CKLF: variants seen among roughly 807,000 people sequenced by gnomAD.
The protein encoded by CKLF is chemokine-like factor.
Under a neutral mutation model 12.9 loss-of-function variants are expected in CKLF, and 16 were observed. The ratio of observed to expected loss-of-function variants is 1.24; its 90% CI spans 0.84 to 1.88. The LOEUF (loss-of-function observed/expected upper bound fraction) is 1.88. Ranked by LOEUF, CKLF falls within the 40% of genes most tolerant of loss-of-function variation. The pLI is 0.00. For synonymous variants in CKLF, 61 were observed against 69.0 expected (o/e 0.88, Z 0.57); for missense variants, 172 against 188.5 (o/e 0.91, Z 0.51).
chr16:66,558,522 G>A (rs2011540432), intron 2 of CKLF, 174 bp downstream of exon 2: 2 of 833,414 alleles, frequency 2.4e-6, no homozygotes, highest in African/African-American at 1.8e-5. Context: ...AGGGTCTCAA[G>A]GATGCAGGGC....
Position 66,560,453 on chromosome 16 carries a change from G to A in CKLF, c.237+2105G>A, listed in dbSNP as rs143446326. Among the ~76,000 whole-genome samples the A allele has an allele frequency of 1.1e-3, 175 of 152,244 alleles. 1 individual carries two copies. The highest frequency in any genetic ancestry group is 4.0e-3 in the African/African-American group (166 of 41,538). On this transcript the variant is annotated intron_variant, in intron 2 of 3. Transcript: ENST00000264001. ...AGAGAGGAAGAATATGTTTAAGGAA[G>A]GGTGCAGGAGAGCAGTATGTAATGA...
intron 1 of CKLF, among the ~76,000 whole-genome samples, chr16:66,556,187 C>G (rs958189471): frequency 6.6e-6 from 1 of 150,966 alleles, no homozygotes; most frequent in Non-Finnish European, 1.5e-5. Flanking sequence ...TTTAAAATCT[C>G]GGAGAACTGA....
At chr16:66,559,088 G>T (rs1301813013) in intron 2 of CKLF, among the ~76,000 whole-genome samples, 1 of 152,064 alleles carries the variant, frequency 6.6e-6, no homozygotes, top group African/African-American at 2.4e-5. Flanking sequence ...GTCTCTGTAG[G>T]TCTCCCTCCT....
Position 66,552,587 on chromosome 16 carries a change from G to C in CKLF, c.-129G>C, listed in dbSNP as rs1179061730. 4.8e-6 allele frequency: 7 copies of C among 1,450,868 alleles called. No homozygotes were observed. The South Asian group carries it at 8.6e-5, about 18-fold the overall frequency. 89.9% of individuals were successfully genotyped at this position (1,450,868 alleles called of 1,614,324 possible). A position where few individuals can be genotyped will look rare whatever the true frequency, so the allele number is the denominator to read the frequency against. On this transcript the variant is annotated 5_prime_UTR_variant, in exon 1 of 4. Transcript: ENST00000264001. ...CATGCGCGCAAGAGAGCGGGAAGCC[G>C]AGCTGGGCGAGAAGTAGGGGAGGGC...
intron 3 of CKLF, among the ~76,000 whole-genome samples, chr16:66,563,988 C>G (rs762388338): frequency 6.6e-6 from 1 of 152,168 alleles, no homozygotes; most frequent in Admixed American, 6.5e-5. Flanking sequence ...CCATATATGT[C>G]AGAAGCCATG....
intron 2 of CKLF, 173 bp from the exon 3 acceptor site, chr16:66,562,949 A>G: frequency 1.4e-6 from 1 of 713,460 alleles, no homozygotes; most frequent in African/African-American, 1.8e-5. Flanking sequence ...CTCAAACTCC[A>G]GGCTTCAAGT....
chr16:66,559,494 G>T (rs999241038), intron 2 of CKLF, among the ~76,000 whole-genome samples: 2 of 152,154 alleles, frequency 1.3e-5, no homozygotes, highest in Non-Finnish European at 2.9e-5. Flanking sequence ...TGGCAGAAAG[G>T]GTTAAACTAA....
chr16:66,558,123 T>C, intron 1 of CKLF, 67 bp from the exon 2 acceptor site: 1 of 1,583,148 alleles, frequency 6.3e-7, no homozygotes, highest in Non-Finnish European at 8.5e-7. Flanking sequence ...TTTTAGAAAT[T>C]GTCATTTTTA....
rs1378994730 is a variant in CKLF at position 66,565,909 on chromosome 16, A to G, written c.357A>G (p.Val119=). ...AGGTGTTTGCACTTGTGACAGCAGT[A>G]TGCTGTCTTGCCGACGGGGCCCTTA... ...GGGVFALVTA[V]CCLADGALIY... The change falls in exon 4 of 4, where the codon GTA becomes GTG. Residue 119 remains valine (V), a synonymous_variant. Coordinates refer to ENST00000264001, the MANE Select transcript of CKLF (RefSeq NM_016951.4). 1 of 1,614,008 alleles carries G rather than the reference A, an allele frequency of 6.2e-7. No homozygotes were observed. The highest frequency in any genetic ancestry group is 8.5e-7 in the Non-Finnish European group (1 of 1,179,880).
At position 66,552,591 on chromosome 16, in the gene CKLF, T is replaced by C. The variant is rs1008665119; in HGVS notation, c.-125T>C. 12 of 1,473,684 alleles carry C rather than the reference T, an allele frequency of 8.1e-6. No homozygotes were observed. The highest frequency in any genetic ancestry group is 1.1e-5 in the Non-Finnish European group (12 of 1,071,566). 91.3% of individuals were successfully genotyped at this position (1,473,684 alleles called of 1,614,324 possible). ...CGCGCAAGAGAGCGGGAAGCCGAGC[T>C]GGGCGAGAAGTAGGGGAGGGCGGTG... On this transcript the variant is annotated 5_prime_UTR_variant, in exon 1 of 4. Coordinates refer to ENST00000264001, the MANE Select transcript of CKLF (RefSeq NM_016951.4).
intron 1 of CKLF, among the ~76,000 whole-genome samples, chr16:66,553,049 C>A (rs1229283324): frequency 2.0e-5 from 3 of 152,108 alleles, no homozygotes; most frequent in Non-Finnish European, 4.4e-5. Context: ...GGTCCCAGCA[C>A]TTTGGGAGGC....
rs1421545468 is a variant in CKLF, at chr16:66,558,175, GT to G, written c.79-8del. The G allele has an allele frequency of 3.1e-6, 5 of 1,603,190 alleles. No homozygotes were observed. Among genetic ancestry groups the G allele is most frequent in the Non-Finnish European group, 4.2e-6 (5 of 1,177,730 alleles). ...TCAGTTGTCACTGAATAAATCGTGG[GT>G]TTTTTTCTTCTAGGCACTAACTGTG... On this transcript the variant is annotated splice_polypyrimidine_tract_variant and intron_variant, in intron 1 of 3. Transcript: ENST00000264001.
At chr16:66,566,150 C>T (rs1358902572), downstream of CKLF, 8 of 1,594,350 alleles carry the variant, frequency 5.0e-6, no homozygotes, top group Non-Finnish European at 6.8e-6. This position sits in a 1 kb window ranked among gnomAD's most constrained non-coding sequence, Gnocchi z 4.9. Flanking sequence ...CAGAGCACTA[C>T]TGTAACTTCC....
intron 3 of CKLF, chr16:66,565,584 TGCAA>T (rs2012189743): frequency 5.4e-6 from 2 of 368,490 alleles, no homozygotes; most frequent in Non-Finnish European, 1.0e-5. Flanking sequence ...AAAGAATACA[TGCAA>T]GAGCAGGTCA....
intron 1 of CKLF, 68 bp from the exon 2 acceptor site, chr16:66,558,122 T>G: frequency 6.3e-7 from 1 of 1,582,178 alleles, no homozygotes; most frequent in East Asian, 2.2e-5. Flanking sequence ...ATTTTAGAAA[T>G]TGTCATTTTT....
chr16:66,558,332 T>A lies in CKLF; in HGVS notation c.221T>A (p.Leu74Ter). ...AGACTTGATCGATTAATGAAGTGGT[T>A]ATTTTGGCCTTTGCTTGTAAGTGTT... ...VLRLDRLMKW[L>*]FWPLLDIINS... is the part of the protein sequence containing the mutation. Residue 74 changes from leucine (L) to a stop codon, truncating the protein, a stop_gained, in exon 2 of 4, where the codon TTA becomes TAA. Transcript: ENST00000264001. LOFTEE classifies it high-confidence loss of function. 2 of 1,604,274 alleles carry A rather than the reference T, an allele frequency of 1.2e-6. No homozygotes were observed. The highest frequency in any genetic ancestry group is 1.7e-6 in the Non-Finnish European group (2 of 1,177,868).
intron 1 of CKLF, among the ~76,000 whole-genome samples, chr16:66,555,111 C>T (rs1035436468): frequency 1.3e-5 from 2 of 152,090 alleles, no homozygotes; most frequent in Non-Finnish European, 2.9e-5. Flanking sequence ...GTGGCGTATG[C>T]CTGTAATCTC....
At chr16:66,561,406 G>A (rs1442315666) in intron 2 of CKLF, among the ~76,000 whole-genome samples, 1 of 152,104 alleles carries the variant, frequency 6.6e-6, no homozygotes, top group South Asian at 2.1e-4. Flanking sequence ...GCATATAGAT[G>A]TTTTCATTTT....
chr16:66,556,884 G>A (rs1481936925), intron 1 of CKLF, among the ~76,000 whole-genome samples: 3 of 152,150 alleles, frequency 2.0e-5, no homozygotes, highest in Non-Finnish European at 4.4e-5. Flanking sequence ...TCTAGCCAGG[G>A]AAGACTCTTG....
Sources: gnomAD v4.1 joint callset for allele counts (sites outside exome capture counted in the v4.1 genomes callset) on GRCh38, gnomAD v4.1.1 for gene constraint, Gnocchi (gnomAD v3.1) non-coding constraint, MANE v1.5 for transcripts, NCBI Gene and HGNC (gene_info 2026-07-23, HGNC 2026-07-21) for gene names.